Variants in CACNA2D3 observed in about 807,000 individuals in gnomAD.
CACNA2D3 encodes the protein calcium voltage-gated channel auxiliary subunit alpha2delta 3.
CACNA2D3 carries 60 observed loss-of-function variants against 160.6 expected under a neutral mutation model. The ratio of observed to expected loss-of-function variants is 0.37; its 90% CI spans 0.30 to 0.46. The LOEUF is 0.46. Among genes scored for constraint, CACNA2D3 ranks in the 20% least tolerant of loss-of-function variants. The pLI, the probability that CACNA2D3 is intolerant of heterozygous loss-of-function variation, is 1.00. For missense variants in CACNA2D3, 1,205 were observed against 1,365.0 expected (o/e 0.88, Z 1.85); for synonymous variants, 558 against 492.9 (o/e 1.13, Z -1.75).
At position 54,502,118 on chromosome 3, in the gene CACNA2D3, C is replaced by T. The variant is rs76861832; in HGVS notation, c.382-1374C>T. Among the ~76,000 whole-genome samples the T allele has an allele frequency of 3.6e-3, 551 of 152,262 alleles. 7 individuals are homozygous for T. Among genetic ancestry groups the T allele is most frequent in the African/African-American group, 0.012 (518 of 41,564 alleles). ...TATGATATGTGTAGATGTAAATCTT[C>T]GTAATATTCATTGTGTTCAGTGTTC... On this transcript the variant is annotated intron_variant, in intron 4 of 37. Transcript: ENST00000474759.
intron 2 of CACNA2D3, among the ~76,000 whole-genome samples, chr3:54,298,361 G>A (rs1703387053): frequency 6.6e-6 from 1 of 152,240 alleles, no homozygotes; most frequent in African/African-American, 2.4e-5. Flanking sequence ...GCCGGGTTAC[G>A]AGAAATAATT....
At chr3:54,713,581 T>G (rs1165213561) in intron 11 of CACNA2D3, among the ~76,000 whole-genome samples, 1 of 152,182 alleles carries the variant, frequency 6.6e-6, no homozygotes, top group East Asian at 1.9e-4. Context: ...AAGCCTTAGC[T>G]TCCCCATTTG....
chr3:54,796,135 C>G (rs1231752531), intron 13 of CACNA2D3, among the ~76,000 whole-genome samples: 1 of 152,058 alleles, frequency 6.6e-6, no homozygotes, highest in East Asian at 1.9e-4. Flanking sequence ...GAGACCACTT[C>G]ATTTTTATTT....
intron 4 of CACNA2D3, among the ~76,000 whole-genome samples, chr3:54,455,271 T>C (rs1157778265): frequency 6.6e-6 from 1 of 151,932 alleles, no homozygotes; most frequent in Non-Finnish European, 1.5e-5. Flanking sequence ...TTTTTTGTCT[T>C]TTTGATGATA....
chr3:54,719,648 A>G (rs1352968255), intron 11 of CACNA2D3, among the ~76,000 whole-genome samples: 1 of 151,954 alleles, frequency 6.6e-6, no homozygotes, highest in East Asian at 1.9e-4. Flanking sequence ...TTATTAGGGT[A>G]TGCTGGCCTC....
chr3:54,369,180 C>A (rs1256410168), intron 3 of CACNA2D3, among the ~76,000 whole-genome samples: 1 of 151,900 alleles, frequency 6.6e-6, no homozygotes. Context: ...TTGTTTGTTT[C>A]AGGCTTGAGA....
intron 2 of CACNA2D3, among the ~76,000 whole-genome samples, chr3:54,234,455 C>T (rs2107397807): frequency 6.6e-6 from 1 of 152,268 alleles, no homozygotes; most frequent in Non-Finnish European, 1.5e-5. Context: ...ATGGCAATTC[C>T]TCAAAGAGCT....
chr3:54,908,021 T>C (rs564574944), intron 27 of CACNA2D3, among the ~76,000 whole-genome samples: 5 of 152,354 alleles, frequency 3.3e-5, no homozygotes, highest in Non-Finnish European at 5.9e-5. Context: ...TGAGCATCCA[T>C]GTACATGTTT....
At chr3:54,239,702 T>C (rs986149991) in intron 2 of CACNA2D3, among the ~76,000 whole-genome samples, 6 of 152,118 alleles carry the variant, frequency 3.9e-5, no homozygotes, top group Non-Finnish European at 8.8e-5. Flanking sequence ...TCAAAAATAT[T>C]ATACTAGCAT....
At chr3:54,536,957 G>A (rs1701898863) in intron 5 of CACNA2D3, among the ~76,000 whole-genome samples, 1 of 152,136 alleles carries the variant, frequency 6.6e-6, no homozygotes, top group Non-Finnish European at 1.5e-5. Context: ...GAGATGCAGT[G>A]CCAGGCGCCA....
At chr3:54,278,103 G>A (rs1169571505) in intron 2 of CACNA2D3, among the ~76,000 whole-genome samples, 2 of 152,050 alleles carry the variant, frequency 1.3e-5, no homozygotes. Context: ...ATCTGACAAA[G>A]GGCTAATATC....
At chr3:54,620,546 T>C (rs1698961904) in intron 9 of CACNA2D3, among the ~76,000 whole-genome samples, 1 of 152,156 alleles carries the variant, frequency 6.6e-6, no homozygotes, top group Admixed American at 6.5e-5. Flanking sequence ...AATACAATTA[T>C]AAAGAATTTC....
At chr3:54,474,888 A>G (rs1700802248) in intron 4 of CACNA2D3, among the ~76,000 whole-genome samples, 1 of 152,212 alleles carries the variant, frequency 6.6e-6, no homozygotes, top group African/African-American at 2.4e-5. Flanking sequence ...GCTTTGAGAT[A>G]CTGGGCCGAA....
chr3:54,835,239 T>A (rs1294229496), intron 14 of CACNA2D3, among the ~76,000 whole-genome samples: 1 of 152,208 alleles, frequency 6.6e-6, no homozygotes, highest in Non-Finnish European at 1.5e-5. Flanking sequence ...TGTTGGGAGT[T>A]TTTTTCCAAC....
chr3:54,852,416 C>T (rs1387612400), intron 17 of CACNA2D3, among the ~76,000 whole-genome samples: 4 of 152,210 alleles, frequency 2.6e-5, no homozygotes, highest in African/African-American at 9.6e-5. Flanking sequence ...ATGCCAAAGC[C>T]ATTTCTGTTG....
rs150957904 is a variant in CACNA2D3, at chr3:54,470,848, C to T, written c.382-32644C>T. 2.6e-5 allele frequency among the ~76,000 whole-genome samples: 4 copies of T among 152,258 alleles called. No homozygotes were observed. In the East Asian group the frequency reaches 7.7e-4, roughly 29 times the overall value. ...TTACATAATGGTAAAGGGATCAATG[C>T]AACAAGAAGAGCTAAGTATCCTAAA... On this transcript the variant is annotated intron_variant, in intron 4 of 37. Coordinates refer to ENST00000474759, the MANE Select transcript of CACNA2D3 (RefSeq NM_018398.3).
At chr3:55,061,065 C>G (rs1428382628) in intron 35 of CACNA2D3, among the ~76,000 whole-genome samples, 1 of 152,224 alleles carries the variant, frequency 6.6e-6, no homozygotes, top group African/African-American at 2.4e-5. Context: ...AAGTCATTAT[C>G]ATGGCTCTTA....
intron 2 of CACNA2D3, among the ~76,000 whole-genome samples, chr3:54,129,984 C>T (rs146866089): frequency 6.1e-4 from 93 of 152,280 alleles, no homozygotes; most frequent in African/African-American, 2.0e-3. Flanking sequence ...AACTGAGTCA[C>T]GCCAGTCCAA....
chr3:54,945,945 A>G (rs1701602082), intron 27 of CACNA2D3, among the ~76,000 whole-genome samples: 3 of 152,322 alleles, frequency 2.0e-5, no homozygotes, highest in Admixed American at 6.5e-5. Context: ...CCTGACCTCT[A>G]TCCCGGCTCC....
Sources: gnomAD v4.1 joint callset for allele counts (sites outside exome capture counted in the v4.1 genomes callset) on GRCh38, gnomAD v4.1.1 for gene constraint, MANE v1.5 for transcripts, NCBI Gene and HGNC (gene_info 2026-07-23, HGNC 2026-07-21) for gene names.